Variants in ELOA observed in about 807,000 individuals in gnomAD.
ELOA encodes elongin-A.
In ELOA, 15 loss-of-function variants were observed where a neutral mutation model predicts 85.2. The ratio of observed to expected loss-of-function variants is 0.18; its 90% CI spans 0.12 to 0.27. ELOA has a LOEUF of 0.27. Ranked by LOEUF, ELOA falls within the 10% of genes least tolerant of loss-of-function variation. The pLI, the probability that ELOA is intolerant of heterozygous loss-of-function variation, is 1.00. For synonymous variants in ELOA, 348 were observed against 357.2 expected, an observed-to-expected ratio of 0.97 and a Z score of 0.29; for missense variants, 769 against 952.7, an observed-to-expected ratio of 0.81 and a Z score of 2.54.
intron 6 of ELOA, 27 bp from the exon 7 acceptor site, chr1:23,754,336 G>A (rs1469371075): frequency 6.2e-7 from 1 of 1,614,038 alleles, no homozygotes; most frequent in East Asian, 2.2e-5. Context: ...CTGCTACTCA[G>A]TGTCTTCACC....
rs1351443469 is a variant in ELOA, at chr1:23,751,141, C to T, written c.536C>T (p.Ser179Phe). The change falls in exon 4 of 11, where the codon TCC (serine) becomes TTC (phenylalanine). Residue 179 changes from serine (S) to phenylalanine (F), a missense_variant. Physicochemically the swap from Ser to Phe is radical, Grantham distance 155. Around this residue, in one of 4 missense-constraint regions of ELOA, gnomAD observed 440 missense variants for 474.0 expected, o/e 0.93. Coordinates refer to ENST00000613537, the MANE Select transcript of ELOA (RefSeq NM_003198.3). ...PESSDYGHVQ[S>F]PPSCTSPHQM... ...TCTTCTGATTATGGCCATGTTCAATCCCCTCCATCTTGTACCAGTCCTCAT... is the reference window on the plus strand; with the variant it reads ...TCTTCTGATTATGGCCATGTTCAATTCCCTCCATCTTGTACCAGTCCTCAT... 2 of 1,614,116 alleles carry T rather than the reference C, an allele frequency of 1.2e-6. No individual in the cohort carries two copies. Among genetic ancestry groups the T allele is most frequent in the Non-Finnish European group, 1.7e-6 (2 of 1,180,032 alleles).
chr1:23,754,882 A>G (rs1033684683), intron 7 of ELOA, among the ~76,000 whole-genome samples: 6 of 151,680 alleles, frequency 4.0e-5, no homozygotes, highest in Non-Finnish European at 7.4e-5. Context: ...TAGGGTATAC[A>G]CATTTGATTG....
chr1:23,758,159 C>G lies in ELOA; in HGVS notation c.2257+1034C>G, dbSNP rs944422879. ...TGTTCATAATTACTAATATTAACAG[C>G]TAAATGACAGGCCCTCTTACTGTTT... On this transcript the variant is annotated intron_variant, in intron 10 of 10. Transcript: ENST00000613537. Among the ~76,000 whole-genome samples, 6 of 150,694 alleles carry G rather than the reference C, an allele frequency of 4.0e-5. No homozygotes were observed. In the South Asian group the frequency reaches 8.4e-4, roughly 21 times the overall value.
rs1400689142 is a variant in ELOA at position 23,751,334 on chromosome 1, G to A, written c.729G>A (p.Lys243=). The A allele has an allele frequency of 1.4e-5, 22 of 1,614,102 alleles. No homozygotes were observed. Among genetic ancestry groups the A allele is most frequent in the Non-Finnish European group, 1.9e-5 (22 of 1,180,048 alleles). The part of the protein sequence containing the change: ...PHGKGVVSQN[K]EHKSSHKDKR... Reference sequence around the variant, plus strand: ...GGAAAGGGGTTGTGAGTCAAAACAAGGAGCACAAATCTTCCCACAAGGACA... The same window carrying A: ...GGAAAGGGGTTGTGAGTCAAAACAAAGAGCACAAATCTTCCCACAAGGACA... Residue 243 remains lysine, a synonymous_variant, in exon 4 of 11, where the codon AAG becomes AAA. Coordinates refer to ENST00000613537, the MANE Select transcript of ELOA (RefSeq NM_003198.3).
intron 1 of ELOA, 106 bp downstream of exon 1, chr1:23,743,684 A>G (rs1394225272): frequency 2.3e-5 from 29 of 1,286,354 alleles, no homozygotes; most frequent in Non-Finnish European, 2.9e-5. Flanking sequence ...ACCCTGAGCC[A>G]GGCCCCGCGG....
intron 5 of ELOA, 114 bp from the exon 6 acceptor site, chr1:23,753,986 C>G: frequency 7.5e-7 from 1 of 1,333,136 alleles, no homozygotes; most frequent in Non-Finnish European, 1.0e-6. Context: ...GAAGGATCTA[C>G]AAAAATCTGT....
chr1:23,760,417 T>C lies in ELOA; in HGVS notation c.*844T>C, dbSNP rs1638277944. The C allele has an allele frequency of 6.6e-6, 1 of 151,828 alleles. No individual in the cohort carries two copies. The highest frequency in any genetic ancestry group is 6.6e-5 in the Admixed American group (1 of 15,242). 9.4% of individuals were successfully genotyped at this position (151,828 alleles called of 1,614,324 possible). ...ATTTCCAGTTTCTGATTGAAAATTT[T>C]AGGGTTTCTCCCCACTGCCCTTCCC... On this transcript the variant is annotated 3_prime_UTR_variant, in exon 11 of 11. Coordinates refer to ENST00000613537, the MANE Select transcript of ELOA (RefSeq NM_003198.3).
At chr1:23,758,269 T>TTTTTTTTA in intron 10 of ELOA, among the ~76,000 whole-genome samples, 1 of 91,312 alleles carries the variant, frequency 1.1e-5, no homozygotes, top group East Asian at 3.3e-4. Flanking sequence ...ATTTTTTTTT[T>TTTTTTTTA]TTTTTTTTTT....
At chr1:23,755,472 GT>G (rs1333291314) in intron 7 of ELOA, among the ~76,000 whole-genome samples, 2 of 151,980 alleles carry the variant, frequency 1.3e-5, no homozygotes, top group Non-Finnish European at 2.9e-5. Context: ...TCACTCCTAG[GT>G]AATTAAATAA....
rs1006890190 is a variant in ELOA, at chr1:23,750,950, C to T, written c.345C>T (p.Thr115=). 2 of 1,613,918 alleles carry T rather than the reference C, an allele frequency of 1.2e-6. No homozygotes were observed. The highest frequency in any genetic ancestry group is 2.7e-5 in the African/African-American group (2 of 74,928). Residue 115 remains threonine (T), a synonymous_variant, in exon 4 of 11, where the codon ACC becomes ACT. Coordinates refer to ENST00000613537, the MANE Select transcript of ELOA (RefSeq NM_003198.3). ...AGATGGAGGGGGACTACCAAGAAAC[C>T]TGGAAAGCCACGGGGAGCCGATCCT... The part of the protein sequence containing the change: ...EEEMEGDYQE[T]WKATGSRSYS...
In ELOA at chr1:23,757,112, A is replaced by G; in HGVS notation, c.2244A>G (p.Lys748=). 1 of 1,559,210 alleles carries G rather than the reference A, an allele frequency of 6.4e-7. No individual in the cohort carries two copies. Among genetic ancestry groups the G allele is most frequent in the Non-Finnish European group, 8.6e-7 (1 of 1,158,280 alleles). ...VSSTVSYDPR[K]PTVKKIAPMM... ...GCACTGTTTCCTATGATCCTAGGAA[A>G]CCCACTGTGAAGAGTAAGTAACTTG... Residue 748 remains lysine (K), a synonymous_variant, in exon 10 of 11, where the codon AAA becomes AAG. Coordinates refer to ENST00000613537, the MANE Select transcript of ELOA (RefSeq NM_003198.3).
At position 23,743,523 on chromosome 1, in the gene ELOA, T is replaced by C. The variant is rs1363250948; in HGVS notation, c.20T>C (p.Leu7Pro). 4.7e-6 allele frequency: 7 copies of C among 1,502,772 alleles called. No individual in the cohort carries two copies. The highest frequency in any genetic ancestry group is 6.2e-6 in the Non-Finnish European group (7 of 1,131,144). The allele number at this position is 1,502,772 out of a possible 1,614,324, so 93.1% of individuals were successfully genotyped here. The change falls in exon 1 of 11, where the codon CTC becomes CCC. Residue 7 changes from leucine (L) to proline (P), a missense_variant. Around this residue, in one of 4 missense-constraint regions of ELOA, gnomAD observed 440 missense variants for 474.0 expected, o/e 0.93. Coordinates refer to ENST00000613537, the MANE Select transcript of ELOA (RefSeq NM_003198.3). MAAESA[L>P]QVVEKLQARL... ...ACAGCGATGGCGGCGGAGTCGGCGC[T>C]CCAAGTTGTGGAGAAGCTGCAGGCG...
chr1:23,757,066 A>G lies in ELOA; in HGVS notation c.2198A>G (p.His733Arg). Residue 733 changes from histidine (H) to arginine (R), a missense_variant, in exon 10 of 11, where the codon CAC (histidine) becomes CGC (arginine). This residue lies in a region of ELOA where 116 missense variants were observed against 141.0 expected (regional missense o/e 0.82). Coordinates refer to ENST00000613537, the MANE Select transcript of ELOA (RefSeq NM_003198.3). Reference sequence around the variant, plus strand: ...GATGGCCCAAGCACCAGCAGTGCCCACTTGGCACCAGTGGTCAGCAGCACT... The same window carrying G: ...GATGGCCCAAGCACCAGCAGTGCCCGCTTGGCACCAGTGGTCAGCAGCACT... ...AYDGPSTSSA[H>R]LAPVVSSTVS... 6.2e-7 allele frequency: 1 copy of G among 1,610,430 alleles called. No individual in the cohort carries two copies. Among genetic ancestry groups the G allele is most frequent in the East Asian group, 2.2e-5 (1 of 44,474 alleles).
intron 1 of ELOA, among the ~76,000 whole-genome samples, chr1:23,748,168 T>C (rs1401248775): frequency 2.0e-5 from 3 of 152,206 alleles, no homozygotes; most frequent in Admixed American, 1.3e-4. Flanking sequence ...GCTTTCATAG[T>C]GTTCTAGACA....
At chr1:23,754,757 G>T (rs1410135207) in intron 7 of ELOA, among the ~76,000 whole-genome samples, 1 of 152,198 alleles carries the variant, frequency 6.6e-6, no homozygotes, top group East Asian at 1.9e-4. Flanking sequence ...TCTGGCAGCA[G>T]AGTAGCTGGG....
chr1:23,751,570 A>G lies in ELOA; in HGVS notation c.965A>G (p.Asp322Gly). 6.2e-7 allele frequency: 1 copy of G among 1,614,222 alleles called. No individual in the cohort carries two copies. The highest frequency in any genetic ancestry group is 8.5e-7 in the Non-Finnish European group (1 of 1,180,034). Residue 322 changes from aspartate to glycine, a missense_variant, in exon 4 of 11, where the codon GAC (aspartate) becomes GGC (glycine). Coordinates refer to ENST00000613537, the MANE Select transcript of ELOA (RefSeq NM_003198.3). ...KCLPPSEAAS[D>G]NHLKKPKHRD... ...TTGCCTCCCTCAGAGGCCGCTTCAG[A>G]CAACCACCTGAAAAAGCCAAAGCAC...
intron 2 of ELOA, 61 bp downstream of exon 2, chr1:23,749,138 G>A (rs1016763657): frequency 3.5e-6 from 5 of 1,425,300 alleles, no homozygotes; most frequent in Non-Finnish European, 4.9e-6. Context: ...TCACTGGAGA[G>A]TGTGTAGAAT....
Position 23,743,574 on chromosome 1 carries a change from A to C in ELOA, c.71A>C (p.Lys24Thr). ...QARLAANPDP[K>T]KLLKYLKKLS... The stretch of plus-strand genomic sequence containing the variant: ...CGCCTGGCCGCGAACCCGGACCCTA[A>C]GAAGGTAAGCGAGGGGGCGGCGCGT... The change falls in exon 1 of 11, where the codon AAG (lysine) becomes ACG (threonine). Residue 24 changes from lysine to threonine, a missense_variant. This residue lies in a region of ELOA where 440 missense variants were observed against 474.0 expected (regional missense o/e 0.93). Coordinates refer to ENST00000613537, the MANE Select transcript of ELOA (RefSeq NM_003198.3). 1 of 1,489,484 alleles carries C rather than the reference A, an allele frequency of 6.7e-7. No homozygotes were observed. The highest frequency in any genetic ancestry group is 8.9e-7 in the Non-Finnish European group (1 of 1,124,310). 92.3% of individuals were successfully genotyped at this position (1,489,484 alleles called of 1,614,324 possible). A position where few individuals can be genotyped will look rare whatever the true frequency, so the allele number is the denominator to read the frequency against.
rs764931361 is a variant in ELOA, at chr1:23,751,279, G to T, written c.674G>T (p.Ser225Ile). ...SNAFQDRLGA[S>I]QERHLGEPHG... is the part of the protein sequence containing the mutation. ...GCCTTTCAGGACAGACTCGGGGCCA[G>T]CCAAGAACGACACCTGGGTGAACCC... Residue 225 changes from serine to isoleucine, a missense_variant, in exon 4 of 11, where the codon AGC becomes ATC. Ser to Ile is a moderately radical substitution (Grantham distance 142). Around this residue, in one of 4 missense-constraint regions of ELOA, gnomAD observed 440 missense variants for 474.0 expected, o/e 0.93. Transcript: ENST00000613537. 9 of 1,614,188 alleles carry T rather than the reference G, an allele frequency of 5.6e-6. No individual in the cohort carries two copies. In the South Asian group the frequency reaches 9.9e-5, roughly 18 times the overall value.
Sources: gnomAD v4.1 joint callset for allele counts (sites outside exome capture counted in the v4.1 genomes callset) on GRCh38, gnomAD v4.1.1 for gene constraint, gnomAD v4.1.1 regional missense constraint, MANE v1.5 for transcripts, NCBI Gene and HGNC (gene_info 2026-07-23, HGNC 2026-07-21) for gene names.